KPNA4: variants seen among roughly 807,000 people sequenced by gnomAD.
KPNA4 encodes the protein importin subunit alpha-3.
Under a neutral mutation model 71.3 loss-of-function variants are expected in KPNA4, and 13 were observed. The observed-to-expected ratio is 0.18, with a 90% CI of 0.12 to 0.29. KPNA4 has a LOEUF of 0.29. Among genes scored for constraint, KPNA4 ranks in the 10% least tolerant of loss-of-function variants. The pLI, the probability that KPNA4 is intolerant of heterozygous loss-of-function variation, is 1.00. For synonymous variants in KPNA4, 189 were observed against 195.2 expected (o/e 0.97, Z 0.26); for missense variants, 334 against 603.2 (o/e 0.55, Z 4.67).
At chr3:160,531,432 T>TA (rs566304499) in intron 6 of KPNA4, 30 bp downstream of exon 6, 30,703 of 942,468 alleles carry the variant, frequency 0.033, 8 homozygotes, top group Non-Finnish European at 0.038. Flanking sequence ...CATTCTAAAT[T>TA]AAAAAAAAAA....
chr3:160,554,444 C>G (rs1161670449), intron 1 of KPNA4, among the ~76,000 whole-genome samples: 1 of 152,170 alleles, frequency 6.6e-6, no homozygotes, highest in African/African-American at 2.4e-5. Context: ...CTGGACATTT[C>G]ATATTGTGAT....
chr3:160,564,326 T>C (rs1722297793), intron 1 of KPNA4: 1 of 151,264 alleles, frequency 6.6e-6, no homozygotes, highest in South Asian at 2.1e-4. Flanking sequence ...TGCCATTCCC[T>C]AGCCCACCCC....
chr3:160,509,747 T>C (rs922902955), intron 14 of KPNA4, 53 bp downstream of exon 14: 49 of 1,121,832 alleles, frequency 4.4e-5, no homozygotes, highest in Non-Finnish European at 1.2e-5. Flanking sequence ...CAATATTACC[T>C]GTACTTTTAT....
chr3:160,563,081 A>G (rs1054616341), intron 1 of KPNA4, among the ~76,000 whole-genome samples: 1 of 152,226 alleles, frequency 6.6e-6, no homozygotes, highest in African/African-American at 2.4e-5. Flanking sequence ...TCTTAGTAGT[A>G]TTATGTAAAA....
chr3:160,565,042 C>G, intron 1 of KPNA4, among the ~76,000 whole-genome samples, 172 bp downstream of exon 1: 1 of 151,272 alleles, frequency 6.6e-6, no homozygotes, highest in Non-Finnish European at 1.5e-5. Flanking sequence ...GGAGCAGGCC[C>G]GACATAAACT....
At chr3:160,556,093 A>G (rs1417217457) in intron 1 of KPNA4, among the ~76,000 whole-genome samples, 6 of 152,226 alleles carry the variant, frequency 3.9e-5, no homozygotes, top group Non-Finnish European at 7.3e-5. Flanking sequence ...TTGGCCTCCC[A>G]AAGTGCTTGG....
chr3:160,537,221 TAA>T (rs909871906), intron 1 of KPNA4, among the ~76,000 whole-genome samples: 1 of 143,470 alleles, frequency 7.0e-6, no homozygotes, highest in African/African-American at 2.6e-5. Context: ...TTCAACTATT[TAA>T]AAAAAAAAAG....
chr3:160,508,197 C>A lies in KPNA4; in HGVS notation c.1282G>T (p.Val428Leu). ...CTTAGTCCATCGAGTACTACTTGCA[C>A]AACTTGTGCATCTTTTACAGTCAGC... ...NLLTVKDAQV[V>L]QVVLDGLSNI... The change falls in exon 15 of 17, where the codon GTG becomes TTG. Residue 428 changes from valine to leucine, a missense_variant. Val to Leu is a conservative substitution (Grantham distance 32). Transcript: ENST00000334256. 1 of 1,612,498 alleles carries A rather than the reference C, an allele frequency of 6.2e-7. No individual in the cohort carries two copies. Among genetic ancestry groups the A allele is most frequent in the Non-Finnish European group, 8.5e-7 (1 of 1,179,310 alleles).
At chr3:160,509,443 A>G (rs1042396956) in intron 14 of KPNA4, among the ~76,000 whole-genome samples, 2 of 152,188 alleles carry the variant, frequency 1.3e-5, no homozygotes, top group African/African-American at 4.8e-5. Context: ...AGGGGCCTCA[A>G]TTTTACCATG....
intron 1 of KPNA4, among the ~76,000 whole-genome samples, chr3:160,540,158 C>G (rs536189751): frequency 6.6e-6 from 1 of 151,836 alleles, no homozygotes; most frequent in Admixed American, 6.6e-5. Context: ...TGCCACCACG[C>G]CCGGCTAAGT....
At chr3:160,533,223 C>T (rs1721608250) in intron 5 of KPNA4, among the ~76,000 whole-genome samples, 1 of 152,094 alleles carries the variant, frequency 6.6e-6, no homozygotes, top group African/African-American at 2.4e-5. Context: ...GGGGGTTTCA[C>T]CATGCTGGCC....
chr3:160,511,714 T>TTATATATATATATATATA (rs10666878), intron 13 of KPNA4, among the ~76,000 whole-genome samples: 3 of 146,476 alleles, frequency 2.0e-5, no homozygotes, highest in African/African-American at 7.4e-5. Flanking sequence ...TTTGTTATTT[T>TTATATATATATATATATA]TATATATATA....
At chr3:160,561,493 T>C (rs1577065563) in intron 1 of KPNA4, among the ~76,000 whole-genome samples, 1 of 152,068 alleles carries the variant, frequency 6.6e-6, no homozygotes, top group Non-Finnish European at 1.5e-5. Context: ...TTCCTGATAA[T>C]TATTTTAAAT....
intron 1 of KPNA4, among the ~76,000 whole-genome samples, chr3:160,554,485 C>T (rs1198354966): frequency 6.6e-6 from 1 of 152,128 alleles, no homozygotes; most frequent in Non-Finnish European, 1.5e-5. Flanking sequence ...CATCCCATTT[C>T]CAGACATACA....
chr3:160,524,079 TTCAAA>T (rs1369848737), intron 10 of KPNA4, among the ~76,000 whole-genome samples: 6 of 152,218 alleles, frequency 3.9e-5, no homozygotes, highest in Non-Finnish European at 8.8e-5. Flanking sequence ...AAAATCATAA[TTCAAA>T]TCAAACTTCT....
At chr3:160,520,313 G>A (rs535637797) in intron 11 of KPNA4, among the ~76,000 whole-genome samples, 3 of 151,376 alleles carry the variant, frequency 2.0e-5, no homozygotes, top group Non-Finnish European at 2.9e-5. Flanking sequence ...GAGTAGTGGC[G>A]CAATCTTGGC....
chr3:160,565,310 C>T lies in KPNA4; in HGVS notation c.-28G>A. On this transcript the variant is annotated 5_prime_UTR_variant, in exon 1 of 17. Transcript: ENST00000334256. The stretch of plus-strand genomic sequence containing the variant: ...CCGGGCCGGTGACTCCTTCCCCCGC[C>T]CGGGCCCCGCGGGATCCGCCCCAAC... The T allele has an allele frequency of 1.3e-6, 2 of 1,560,970 alleles. No individual in the cohort carries two copies. The highest frequency in any genetic ancestry group is 1.2e-5 in the South Asian group (1 of 85,546).
chr3:160,559,204 C>T (rs1489681204), intron 1 of KPNA4, among the ~76,000 whole-genome samples: 3 of 152,050 alleles, frequency 2.0e-5, no homozygotes, highest in South Asian at 2.1e-4. Flanking sequence ...ATGGCTTCAA[C>T]GATAACCATT....
At chr3:160,551,941 G>A (rs922698857) in intron 1 of KPNA4, among the ~76,000 whole-genome samples, 2 of 89,552 alleles carry the variant, frequency 2.2e-5, no homozygotes, top group Admixed American at 1.8e-4. Context: ...GTCACAACTG[G>A]GGGGGGGGGG....
Sources: allele counts gnomAD v4.1 joint callset (sites outside exome capture counted in the v4.1 genomes callset), GRCh38; gene constraint gnomAD v4.1.1; transcripts MANE v1.5; gene names NCBI Gene and HGNC (gene_info 2026-07-23, HGNC 2026-07-21).